Variants in XKR4 observed in about 807,000 individuals in gnomAD.
XKR4 encodes the protein XK-related protein 4.
A neutral mutation model predicts 53.9 loss-of-function variants in XKR4; 12 were observed. The observed-to-expected ratio is 0.22, with a 90% confidence interval of 0.14 to 0.36. The LOEUF (loss-of-function observed/expected upper bound fraction) is 0.36, where lower values mean the gene tolerates loss of function less well. Ranked by LOEUF, XKR4 falls within the 10% of genes least tolerant of loss-of-function variation. XKR4 has a pLI of 1.00. For synonymous variants in XKR4, 354 were observed against 362.4 expected, an observed-to-expected ratio of 0.98 and a Z score of 0.26; for missense variants, 799 against 859.5, an observed-to-expected ratio of 0.93 and a Z score of 0.88.
At chr8:55,170,241 G>A (rs1252046888) in intron 1 of XKR4, among the ~76,000 whole-genome samples, 1 of 152,216 alleles carries the variant, frequency 6.6e-6, no homozygotes, top group Non-Finnish European at 1.5e-5. Context: ...GAACACGTTA[G>A]CTTATAAAGC....
chr8:55,322,188 T>C (rs1803226001), intron 1 of XKR4, among the ~76,000 whole-genome samples: 1 of 152,222 alleles, frequency 6.6e-6, no homozygotes, highest in Non-Finnish European at 1.5e-5. Flanking sequence ...TAGCATGTTT[T>C]TCAAATTTTG....
chr8:55,264,686 C>T (rs1434458121), intron 1 of XKR4, among the ~76,000 whole-genome samples: 1 of 152,168 alleles, frequency 6.6e-6, no homozygotes, highest in African/African-American at 2.4e-5. Context: ...GTCCTTAAGG[C>T]AGAAACCCTC....
chr8:55,417,294 G>T (rs1423860247), intron 2 of XKR4, among the ~76,000 whole-genome samples: 1 of 152,202 alleles, frequency 6.6e-6, no homozygotes, highest in Non-Finnish European at 1.5e-5. Flanking sequence ...CCCAGCCACG[G>T]TTTAGGAGAG....
intron 2 of XKR4, among the ~76,000 whole-genome samples, chr8:55,430,505 G>A (rs1805085962): frequency 6.6e-6 from 1 of 152,198 alleles, no homozygotes; most frequent in Non-Finnish European, 1.5e-5. Flanking sequence ...GGTTGCCAGA[G>A]GGTAAATATG....
chr8:55,200,569 C>T (rs1188624291), intron 1 of XKR4, among the ~76,000 whole-genome samples: 1 of 152,132 alleles, frequency 6.6e-6, no homozygotes, highest in East Asian at 1.9e-4. Context: ...GTGACCATAG[C>T]TTTTCCAAGC....
chr8:55,479,183 A>T (rs949248716), intron 2 of XKR4, among the ~76,000 whole-genome samples: 4 of 152,120 alleles, frequency 2.6e-5, no homozygotes, highest in Non-Finnish European at 4.4e-5. Flanking sequence ...AAAAGACAGA[A>T]ATTATAACAA....
chr8:55,417,800 G>T (rs1425033018), intron 2 of XKR4, among the ~76,000 whole-genome samples: 1 of 152,186 alleles, frequency 6.6e-6, no homozygotes, highest in Non-Finnish European at 1.5e-5. Context: ...ACAGCACTCT[G>T]GGGACCTAGT....
intron 1 of XKR4, among the ~76,000 whole-genome samples, chr8:55,329,500 G>T (rs1416285815): frequency 6.6e-6 from 1 of 151,784 alleles, no homozygotes; most frequent in African/African-American, 2.4e-5. Context: ...AACACCCCTG[G>T]TCTACATAAA....
At chr8:55,191,464 G>T (rs760947200) in intron 1 of XKR4, among the ~76,000 whole-genome samples, 33 of 151,958 alleles carry the variant, frequency 2.2e-4, no homozygotes, top group Non-Finnish European at 4.3e-4. Context: ...CTGTGCCCAG[G>T]GCCTGACTTT....
chr8:55,152,516 T>C (rs1020576908), intron 1 of XKR4, among the ~76,000 whole-genome samples: 1 of 152,170 alleles, frequency 6.6e-6, no homozygotes, highest in African/African-American at 2.4e-5. Flanking sequence ...AAATGAATGG[T>C]CAGTCATTTA....
chr8:55,103,001 C>G lies in XKR4; in HGVS notation c.513C>G (p.Phe171Leu), dbSNP rs1202988830. The G allele has an allele frequency of 6.2e-7, 1 of 1,612,228 alleles. No individual in the cohort carries two copies. ...VFSFRWFVHD[F>L]STEDSATAAA... Reference sequence around the variant, plus strand: ...GCTTCCGCTGGTTTGTGCACGATTTCAGCACCGAGGACAGCGCCACGGCCG... The same window carrying G: ...GCTTCCGCTGGTTTGTGCACGATTTGAGCACCGAGGACAGCGCCACGGCCG... Residue 171 changes from phenylalanine (F) to leucine (L), a missense_variant, in exon 1 of 3, where the codon TTC becomes TTG. Phe to Leu is a conservative substitution (Grantham distance 22). Transcript: ENST00000327381.
intron 2 of XKR4, among the ~76,000 whole-genome samples, chr8:55,406,503 C>G (rs1804685472): frequency 6.6e-6 from 1 of 152,168 alleles, no homozygotes; most frequent in Non-Finnish European, 1.5e-5. Flanking sequence ...TATATACATG[C>G]AACTGCCAGA....
chr8:55,250,309 T>A (rs1057030538), intron 1 of XKR4, among the ~76,000 whole-genome samples: 1 of 152,182 alleles, frequency 6.6e-6, no homozygotes, highest in African/African-American at 2.4e-5. Context: ...ATCTCTCTTC[T>A]GACAATAACA....
Position 55,523,490 on chromosome 8 carries a change from G to T in XKR4, c.1216G>T (p.Val406Phe). 1 of 1,614,166 alleles carries T rather than the reference G, an allele frequency of 6.2e-7. No individual in the cohort carries two copies. Among genetic ancestry groups the T allele is most frequent in the Non-Finnish European group, 8.5e-7 (1 of 1,180,032 alleles). The change falls in exon 3 of 3, where the codon GTC becomes TTC. Residue 406 changes from valine (V) to phenylalanine (F), a missense_variant. By Grantham distance (50) the Val-to-Phe change is conservative. Coordinates refer to ENST00000327381, the MANE Select transcript of XKR4 (RefSeq NM_052898.2). ...CCAGCTGTACTTTGGGATCTTCATCGTCCTTCACTGGTGCATCATGACCTT... is the reference window on the plus strand; with the variant it reads ...CCAGCTGTACTTTGGGATCTTCATCTTCCTTCACTGGTGCATCATGACCTT... ...VFQLYFGIFIVLHWCIMTFWI... is the reference protein window; with the variant it reads ...VFQLYFGIFIFLHWCIMTFWI...
At chr8:55,148,960 C>T (rs956742002) in intron 1 of XKR4, among the ~76,000 whole-genome samples, 6 of 152,088 alleles carry the variant, frequency 3.9e-5, no homozygotes, top group African/African-American at 1.4e-4. Context: ...TTATTGAAGA[C>T]AAAAGTACAA....
intron 2 of XKR4, among the ~76,000 whole-genome samples, chr8:55,502,137 T>A (rs1482834251): frequency 6.6e-6 from 1 of 152,218 alleles, no homozygotes; most frequent in Non-Finnish European, 1.5e-5. Flanking sequence ...GATCCATGAA[T>A]CTTTTCAATT....
chr8:55,275,809 T>C (rs1264384730), intron 1 of XKR4, among the ~76,000 whole-genome samples: 1 of 152,204 alleles, frequency 6.6e-6, no homozygotes, highest in Non-Finnish European at 1.5e-5. Context: ...CTGGAATAAG[T>C]GTTGATCCTA....
intron 2 of XKR4, among the ~76,000 whole-genome samples, chr8:55,392,634 T>C (rs557039762): frequency 6.6e-6 from 1 of 152,000 alleles, no homozygotes; most frequent in East Asian, 1.9e-4. Flanking sequence ...CTACAAAAAG[T>C]ACAAAAATTA....
intron 2 of XKR4, among the ~76,000 whole-genome samples, chr8:55,432,300 C>T (rs1426639628): frequency 2.0e-5 from 3 of 152,172 alleles, no homozygotes; most frequent in Non-Finnish European, 4.4e-5. Context: ...CTGCATTTGT[C>T]TCCTTAGCTG....
Sources: gnomAD v4.1 joint callset for allele counts (sites outside exome capture counted in the v4.1 genomes callset) on GRCh38, gnomAD v4.1.1 for gene constraint, MANE v1.5 for transcripts, NCBI Gene and HGNC (gene_info 2026-07-23, HGNC 2026-07-21) for gene names.